The following PODXL2 variants were observed in gnomAD, a reference collection of about 807,000 sequenced individuals.
PODXL2 encodes the protein podocalyxin-like protein 2.
PODXL2 carries 17 observed loss-of-function variants against 53.4 expected under a neutral mutation model. The observed-to-expected ratio is 0.32, with a 90% CI of 0.22 to 0.48. The LOEUF is 0.48. Ranked by LOEUF, PODXL2 falls within the 20% of genes least tolerant of loss-of-function variation. The pLI is 0.99. For synonymous variants in PODXL2, 311 were observed against 306.7 expected (o/e 1.01, Z -0.15); for missense variants, 673 against 760.0 (o/e 0.89, Z 1.35).
intron 2 of PODXL2, among the ~76,000 whole-genome samples, chr3:127,651,971 C>CTTGAA (rs2074692174): frequency 6.6e-6 from 1 of 152,170 alleles, no homozygotes; most frequent in Admixed American, 6.5e-5. Flanking sequence ...TCAAGCCCAG[C>CTTGAA]TTTAAGGAGG....
chr3:127,637,464 C>T (rs914411136), intron 1 of PODXL2, among the ~76,000 whole-genome samples: 39 of 152,140 alleles, frequency 2.6e-4, no homozygotes, highest in African/African-American at 9.4e-4. Flanking sequence ...GTTTGTAAAG[C>T]TCTTTGTAGA....
chr3:127,660,774 C>A lies in PODXL2; in HGVS notation c.746C>A (p.Thr249Asn), dbSNP rs778298278. ...CCCAGCTTGCTGCTGCCTTCAGTCA[C>A]CCCAACTACAGTGACTCCGGGGGAC... ...MGPSLLLPSV[T>N]PTTVTPGDQD... The change falls in exon 3 of 8, where the codon ACC becomes AAC. Residue 249 changes from threonine to asparagine, a missense_variant. Coordinates refer to ENST00000342480, the MANE Select transcript of PODXL2 (RefSeq NM_015720.4). The A allele has an allele frequency of 3.1e-6, 5 of 1,614,106 alleles. No individual in the cohort carries two copies. The highest frequency in any genetic ancestry group is 4.2e-6 in the Non-Finnish European group (5 of 1,179,994).
chr3:127,664,244 C>G (rs985602831), intron 4 of PODXL2, among the ~76,000 whole-genome samples: 16 of 152,234 alleles, frequency 1.1e-4, no homozygotes, highest in African/African-American at 3.9e-4. Context: ...TGGAATTAGA[C>G]AACATTTGTC....
At chr3:127,647,520 C>T (rs1268726986) in intron 2 of PODXL2, among the ~76,000 whole-genome samples, 1 of 152,232 alleles carries the variant, frequency 6.6e-6, no homozygotes, top group Non-Finnish European at 1.5e-5. Context: ...AGATACCCAA[C>T]TCAGACAGGC....
At chr3:127,672,142 G>A (rs964024698) in intron 7 of PODXL2, 126 bp from the exon 8 acceptor site, 34 of 667,452 alleles carry the variant, frequency 5.1e-5, no homozygotes, top group East Asian at 5.5e-5. Context: ...CAACAGAAAA[G>A]AAGGATCTGG....
intron 2 of PODXL2, among the ~76,000 whole-genome samples, chr3:127,640,439 G>A (rs753948379): frequency 2.6e-4 from 39 of 152,246 alleles, no homozygotes; most frequent in Admixed American, 4.6e-4. Context: ...GGTGGCTCAC[G>A]TCTGTAATCC....
chr3:127,658,986 C>CT lies in PODXL2; in HGVS notation c.350-1382dup, dbSNP rs34382151. On this transcript the variant is annotated intron_variant, in intron 2 of 7. Transcript: ENST00000342480. The stretch of plus-strand genomic sequence containing the variant: ...TTTTGCCCTAGAGGCTTTTCCTTGA[C>CT]TTTTTTTTTTCCCAGCCATTAAAAA... Among the ~76,000 whole-genome samples, 841 of 148,296 alleles carry CT rather than the reference C, an allele frequency of 5.7e-3. 7 individuals are homozygous for CT. The highest frequency in any genetic ancestry group is 0.019 in the African/African-American group (756 of 40,558).
Position 127,671,496 on chromosome 3 carries a change from C to T in PODXL2, c.1488C>T (p.Ser496=), listed in dbSNP as rs746022833. The T allele has an allele frequency of 4.3e-6, 7 of 1,614,150 alleles. No homozygotes were observed. The highest frequency in any genetic ancestry group is 1.1e-5 in the South Asian group (1 of 91,084). The change falls in exon 7 of 8, where the codon AGC becomes AGT. Residue 496 remains serine, a synonymous_variant. Coordinates refer to ENST00000342480, the MANE Select transcript of PODXL2 (RefSeq NM_015720.4). ...SCQARASQVR[S]DYGTLFVVLV... Reference sequence around the variant, plus strand: ...AGGCGCGGGCCAGCCAGGTGCGCAGCGACTACGGCACGCTCTTCGTGGTGC... The same window carrying T: ...AGGCGCGGGCCAGCCAGGTGCGCAGTGACTACGGCACGCTCTTCGTGGTGC...
At chr3:127,660,019 G>A (rs1387230451) in intron 2 of PODXL2, among the ~76,000 whole-genome samples, 2 of 152,140 alleles carry the variant, frequency 1.3e-5, no homozygotes, top group African/African-American at 4.8e-5. Context: ...GTTGTTGTGG[G>A]ATCTTCTTGG....
chr3:127,671,162 C>G lies in PODXL2; in HGVS notation c.1426-272C>G, dbSNP rs183750523. Among the ~76,000 whole-genome samples the G allele has an allele frequency of 5.7e-3, 864 of 152,296 alleles. 16 individuals carry two copies. The highest frequency in any genetic ancestry group is 0.02 in the African/African-American group (821 of 41,560). ...ACTGGAGGCCTAGGGCCACAGTGAGCTCAGACTCAGCGGCTGGGGCAGAAG... is the reference window on the plus strand; with the variant it reads ...ACTGGAGGCCTAGGGCCACAGTGAGGTCAGACTCAGCGGCTGGGGCAGAAG... On this transcript the variant is annotated intron_variant, in intron 6 of 7. Coordinates refer to ENST00000342480, the MANE Select transcript of PODXL2 (RefSeq NM_015720.4).
intron 2 of PODXL2, among the ~76,000 whole-genome samples, chr3:127,649,978 T>C (rs945487761): frequency 6.6e-6 from 1 of 152,224 alleles, no homozygotes; most frequent in African/African-American, 2.4e-5. Context: ...ACGTCTTCCC[T>C]TGCACCTCTG....
Position 127,669,245 on chromosome 3 carries a change from C to G in PODXL2, c.1425+43C>G, listed in dbSNP as rs758985446. On this transcript the variant is annotated intron_variant, in intron 6 of 7. Coordinates refer to ENST00000342480, the MANE Select transcript of PODXL2 (RefSeq NM_015720.4). ...TGGACCTGTTAGCTTCTAATATGCT[C>G]CCTCCTGTCTCTGTTCCTCAAAGTC... 1.1e-5 allele frequency: 15 copies of G among 1,327,260 alleles called. No individual in the cohort carries two copies. The South Asian group carries it at 1.8e-4, about 16-fold the overall frequency. The allele number at this position is 1,327,260 out of a possible 1,614,324, so 82.2% of individuals were successfully genotyped here. A position where few individuals can be genotyped will look rare whatever the true frequency, so the allele number is the denominator to read the frequency against.
At chr3:127,641,782 C>A (rs948788960) in intron 2 of PODXL2, among the ~76,000 whole-genome samples, 6 of 151,930 alleles carry the variant, frequency 3.9e-5, no homozygotes, top group Admixed American at 2.6e-4. Context: ...TCCCAAAGTG[C>A]TGGGATTACA....
intron 1 of PODXL2, among the ~76,000 whole-genome samples, chr3:127,638,311 C>G (rs1689659394): frequency 6.6e-6 from 1 of 152,194 alleles, no homozygotes; most frequent in South Asian, 2.1e-4. Flanking sequence ...CATTTATTTG[C>G]TTGTTTTGGT....
At chr3:127,639,702 C>T (rs959273809) in intron 2 of PODXL2, among the ~76,000 whole-genome samples, 179 bp downstream of exon 2, 2 of 152,224 alleles carry the variant, frequency 1.3e-5, no homozygotes, top group African/African-American at 2.4e-5. Flanking sequence ...TCTCACAGGC[C>T]CAGGAGGCCC....
intron 2 of PODXL2, among the ~76,000 whole-genome samples, chr3:127,646,577 G>A (rs1162858408): frequency 1.1e-4 from 16 of 152,034 alleles, no homozygotes; most frequent in South Asian, 2.1e-4. Flanking sequence ...TAGTGGAGAC[G>A]GGGTTTCCCC....
intron 1 of PODXL2, among the ~76,000 whole-genome samples, chr3:127,636,142 T>G (rs1415668907): frequency 6.6e-6 from 1 of 152,210 alleles, no homozygotes; most frequent in Admixed American, 6.5e-5. Context: ...AGATTTCATC[T>G]CTTGATGGGA....
intron 3 of PODXL2, 98 bp from the exon 4 acceptor site, chr3:127,662,139 C>T (rs2074771792): frequency 1.0e-6 from 1 of 997,626 alleles, no homozygotes; most frequent in Non-Finnish European, 1.6e-6. Flanking sequence ...CTGGCCTCCA[C>T]CTTCCAGCTT....
intron 1 of PODXL2, among the ~76,000 whole-genome samples, chr3:127,632,867 C>T (rs1021394785): frequency 6.6e-6 from 1 of 152,166 alleles, no homozygotes; most frequent in Admixed American, 6.5e-5. Context: ...TCTTTGTAAT[C>T]GAGAGTCTAA....
Sources: allele counts gnomAD v4.1 joint callset (sites outside exome capture counted in the v4.1 genomes callset), GRCh38; gene constraint gnomAD v4.1.1; transcripts MANE v1.5; gene names NCBI Gene and HGNC (gene_info 2026-07-23, HGNC 2026-07-21).